The following NECAB1 variants were observed in gnomAD, a reference collection of about 807,000 sequenced individuals.
NECAB1 encodes the protein N-terminal EF-hand calcium binding protein 1.
A neutral mutation model predicts 57.5 loss-of-function variants in NECAB1; 29 were observed. The observed-to-expected ratio is 0.50, with a 90% confidence interval of 0.38 to 0.69. NECAB1 has a LOEUF of 0.69. Among genes scored for constraint, NECAB1 ranks in the 30% least tolerant of loss-of-function variants. NECAB1 has a pLI of 0.00. For missense variants in NECAB1, 372 were observed against 413.8 expected (o/e 0.90, Z 0.88); for synonymous variants, 142 against 147.7 (o/e 0.96, Z 0.28).
chr8:90,916,480 G>C (rs1410685895), intron 5 of NECAB1, among the ~76,000 whole-genome samples: 1 of 152,170 alleles, frequency 6.6e-6, no homozygotes, highest in Non-Finnish European at 1.5e-5. Flanking sequence ...ATCAGGATCC[G>C]TGGTATTGTG....
chr8:90,957,967 A>G lies in NECAB1; in HGVS notation c.*2455A>G, dbSNP rs1811062336. 6.6e-6 allele frequency: 1 copy of G among 151,460 alleles called. No individual in the cohort carries two copies. The allele number at this position is 151,460 out of a possible 1,614,324, so 9.4% of individuals were successfully genotyped here. ...GTGAAAAAAAAAGTACTGGTTTAGG[A>G]GTTCAAAATTCAGTGAAACAAACTT... On this transcript the variant is annotated 3_prime_UTR_variant, in exon 13 of 13. Coordinates refer to ENST00000417640, the MANE Select transcript of NECAB1 (RefSeq NM_022351.5).
intron 1 of NECAB1, among the ~76,000 whole-genome samples, chr8:90,795,176 G>A (rs1341891660): frequency 6.6e-6 from 1 of 152,206 alleles, no homozygotes; most frequent in Non-Finnish European, 1.5e-5. Flanking sequence ...ACTAGTCTAT[G>A]TAGCATGTGT....
At chr8:90,825,242 C>T (rs1196403548) in intron 3 of NECAB1, 1 of 152,258 alleles carries the variant, frequency 6.6e-6, no homozygotes, top group Non-Finnish European at 1.5e-5. Context: ...GTTATCTGGA[C>T]AATTCAGGTG....
intron 5 of NECAB1, among the ~76,000 whole-genome samples, chr8:90,893,820 C>T (rs1321603162): frequency 6.7e-6 from 1 of 149,852 alleles, no homozygotes; most frequent in African/African-American, 2.5e-5. Flanking sequence ...TCCTAGTGCT[C>T]ATACAGTTTT....
rs577951495 is a variant in NECAB1, at chr8:90,922,486, ATTTTTTTT to A, written c.495-3032_495-3025del. Among the ~76,000 whole-genome samples, 21 of 57,520 alleles carry A rather than the reference ATTTTTTTT, an allele frequency of 3.7e-4. 1 individual carries two copies. The highest frequency in any genetic ancestry group is 5.6e-4 in the Non-Finnish European group (17 of 30,582). 37.7% of individuals were successfully genotyped at this position (57,520 alleles called of 152,430 possible). Reference sequence around the variant, plus strand: ...ACCACCAAAGCTGCCAAAAACTTGGATTTTTTTTTTTTTTTTTTTTTTTTGAGATGGAG... The same window carrying A: ...ACCACCAAAGCTGCCAAAAACTTGGATTTTTTTTTTTTTTTTGAGATGGAG... On this transcript the variant is annotated intron_variant, in intron 6 of 12. Coordinates refer to ENST00000417640, the MANE Select transcript of NECAB1 (RefSeq NM_022351.5).
At chr8:90,951,830 G>C (rs1033170373) in intron 12 of NECAB1, among the ~76,000 whole-genome samples, 4 of 152,036 alleles carry the variant, frequency 2.6e-5, no homozygotes, top group Admixed American at 6.5e-5. Context: ...GTGTTTTGTG[G>C]ACTTGGAGAA....
chr8:90,822,234 GA>G (rs2129700639), intron 2 of NECAB1, among the ~76,000 whole-genome samples: 1 of 151,946 alleles, frequency 6.6e-6, no homozygotes, highest in South Asian at 2.1e-4. Flanking sequence ...GTTGAAGTTT[GA>G]ATAAAATGTT....
At chr8:90,896,481 T>A (rs916847461) in intron 5 of NECAB1, among the ~76,000 whole-genome samples, 16 of 151,944 alleles carry the variant, frequency 1.1e-4, no homozygotes, top group Admixed American at 3.3e-4. Context: ...GGCGGGTGCC[T>A]GTAGTCCCAG....
chr8:90,875,699 T>C (rs943906372), intron 4 of NECAB1, among the ~76,000 whole-genome samples: 46 of 150,478 alleles, frequency 3.1e-4, no homozygotes, highest in African/African-American at 9.8e-4. Flanking sequence ...ATGAAGTCTA[T>C]AAATAAGATG....
At chr8:90,952,271 T>C (rs1432893538) in intron 12 of NECAB1, among the ~76,000 whole-genome samples, 1 of 150,882 alleles carries the variant, frequency 6.6e-6, no homozygotes, top group African/African-American at 2.4e-5. Flanking sequence ...GGGACTCCAG[T>C]TGCAGATGTA....
intron 3 of NECAB1, among the ~76,000 whole-genome samples, chr8:90,844,203 G>C (rs1323831439): frequency 5.3e-5 from 8 of 152,148 alleles, no homozygotes; most frequent in Admixed American, 5.2e-4. Flanking sequence ...GAGAGGAGAG[G>C]CATCTCTTTC....
rs1811092601 is a variant in NECAB1, at chr8:90,959,392, T to C, written c.*3880T>C. ...TTACACAATAAAATGTTATTAAAGA[T>C]GGAAAGTCTACAAATGAAAAAGTGA... On this transcript the variant is annotated 3_prime_UTR_variant, in exon 13 of 13. Transcript: ENST00000417640. 1 of 155,516 alleles carries C rather than the reference T, an allele frequency of 6.4e-6. No individual in the cohort carries two copies. Among genetic ancestry groups the C allele is most frequent in the Non-Finnish European group, 1.4e-5 (1 of 70,526 alleles). 9.6% of individuals were successfully genotyped at this position (155,516 alleles called of 1,614,324 possible).
intron 3 of NECAB1, among the ~76,000 whole-genome samples, chr8:90,845,025 C>G (rs1194949662): frequency 1.3e-5 from 2 of 152,290 alleles, no homozygotes; most frequent in East Asian, 3.9e-4. Flanking sequence ...TGTTCCGGTT[C>G]ACGTCCAAAA....
chr8:90,855,558 T>C (rs1812778218), intron 3 of NECAB1, among the ~76,000 whole-genome samples: 1 of 152,140 alleles, frequency 6.6e-6, no homozygotes, highest in Admixed American at 6.6e-5. Context: ...AAATATGAAT[T>C]AGTGAATTAT....
At chr8:90,937,675 T>C (rs557370712) in intron 9 of NECAB1, among the ~76,000 whole-genome samples, 176 of 152,162 alleles carry the variant, frequency 1.2e-3, no homozygotes, top group Non-Finnish European at 2.3e-3. Context: ...ATTCAAAGGT[T>C]TTTAAAAAGT....
chr8:90,878,985 C>T (rs1563514620), intron 4 of NECAB1, among the ~76,000 whole-genome samples: 17 of 143,222 alleles, frequency 1.2e-4, no homozygotes, highest in African/African-American at 3.9e-4. Flanking sequence ...TCTCTCTCTA[C>T]ATATATTATA....
intron 3 of NECAB1, among the ~76,000 whole-genome samples, chr8:90,829,813 T>G (rs1230001223): frequency 6.6e-6 from 1 of 152,086 alleles, no homozygotes; most frequent in African/African-American, 2.4e-5. Flanking sequence ...AATCTGTCTC[T>G]CTTAACTTCT....
At chr8:90,800,653 C>T (rs755295869) in intron 1 of NECAB1, among the ~76,000 whole-genome samples, 1 of 152,144 alleles carries the variant, frequency 6.6e-6, no homozygotes, top group Non-Finnish European at 1.5e-5. Flanking sequence ...ATTCAACCTA[C>T]AATATATCCA....
At chr8:90,818,155 A>G (rs1049957181) in intron 2 of NECAB1, among the ~76,000 whole-genome samples, 18 of 151,886 alleles carry the variant, frequency 1.2e-4, no homozygotes, top group Admixed American at 1.2e-3. Flanking sequence ...TTCATTTTTG[A>G]TATTGATAAT....
Sources: gnomAD v4.1 joint callset for allele counts (sites outside exome capture counted in the v4.1 genomes callset) on GRCh38, gnomAD v4.1.1 for gene constraint, MANE v1.5 for transcripts, NCBI Gene and HGNC (gene_info 2026-07-23, HGNC 2026-07-21) for gene names.